Variants in PLG observed in about 807,000 individuals in gnomAD.
PLG encodes the protein plasmin.
PLG carries 41 observed loss-of-function variants against 104.4 expected under a neutral mutation model. That is an observed-to-expected ratio of 0.39 (90% confidence interval 0.31 to 0.51). The LOEUF is 0.51. Among genes scored for constraint, PLG ranks in the 20% least tolerant of loss-of-function variants. PLG has a pLI of 0.76. For missense variants in PLG, 891 were observed against 1,003.6 expected (o/e 0.89, Z 1.52); for synonymous variants, 337 against 357.1 (o/e 0.94, Z 0.63).
chr6:160,741,323 C>G lies in PLG; in HGVS notation c.2031C>G (p.Ile677Met), dbSNP rs773286811. ...ALLKLSSPAV[I>M]TDKVIPACLP... is the part of the protein sequence containing the mutation. ...GCTTTTCTTTCAGTCCTGCCGTCAT[C>G]ACTGACAAAGTAATCCCAGCTTGTC... The change falls in exon 17 of 19, where the codon ATC (isoleucine) becomes ATG (methionine). Residue 677 changes from isoleucine (I) to methionine (M), a missense_variant. This residue lies in a region of PLG where 854 missense variants were observed against 932.1 expected (regional missense o/e 0.92). Coordinates refer to ENST00000308192, the MANE Select transcript of PLG (RefSeq NM_000301.5). The surrounding 1 kb of genome is among the most constrained non-coding windows in gnomAD (Gnocchi z 4.7). 3.7e-6 allele frequency: 6 copies of G among 1,604,090 alleles called. No homozygotes were observed. In the Admixed American group the frequency reaches 1.0e-4, roughly 27 times the overall value.
intron 1 of PLG, 182 bp from the exon 2 acceptor site, chr6:160,706,225 C>T (rs1338424823): frequency 1.3e-6 from 1 of 761,010 alleles, no homozygotes; most frequent in Non-Finnish European, 2.2e-6. Flanking sequence ...TTATTTATGT[C>T]CAAATGCCCG....
In PLG at chr6:160,752,524, G is replaced by A. The variant is rs1194201775; in HGVS notation, c.2271+264G>A. 6.6e-6 allele frequency among the ~76,000 whole-genome samples: 1 copy of A among 152,190 alleles called. No homozygotes were observed. Among genetic ancestry groups the A allele is most frequent in the African/African-American group, 2.4e-5 (1 of 41,450 alleles). On this transcript the variant is annotated intron_variant, in intron 18 of 18. Coordinates refer to ENST00000308192, the MANE Select transcript of PLG (RefSeq NM_000301.5). The surrounding 1 kb of genome is among the most constrained non-coding windows in gnomAD (Gnocchi z 4.7). Reference sequence around the variant, plus strand: ...CAGGCCACTCACCCTCCTGGGGTGTGCTGGTGGCCAGGGACTAAAGTGGTG... The same window carrying A: ...CAGGCCACTCACCCTCCTGGGGTGTACTGGTGGCCAGGGACTAAAGTGGTG...
rs1777790612 is a variant in PLG, at chr6:160,719,034, G to A, written c.1096+196G>A. On this transcript the variant is annotated intron_variant, in intron 9 of 18. Transcript: ENST00000308192. This position sits in a 1 kb window ranked among gnomAD's most constrained non-coding sequence, Gnocchi z 4.1. ...TCAGAATATAGCCATCTTGGTGAAT[G>A]TTTCATGTGCTCTTGAAAAGAATGT... 6.6e-6 allele frequency among the ~76,000 whole-genome samples: 1 copy of A among 152,178 alleles called. No homozygotes were observed. Among genetic ancestry groups the A allele is most frequent in the African/African-American group, 2.4e-5 (1 of 41,454 alleles).
intron 1 of PLG, among the ~76,000 whole-genome samples, chr6:160,703,951 T>C (rs1296699081): frequency 6.6e-6 from 1 of 152,210 alleles, no homozygotes; most frequent in Middle Eastern, 3.2e-3. Flanking sequence ...AAAGTTTCTT[T>C]TACAGCCATG....
rs1562379540 is a variant in PLG at position 160,735,152 on chromosome 6, T to C, written c.1681+1064T>C. On this transcript the variant is annotated intron_variant, in intron 13 of 18. Coordinates refer to ENST00000308192, the MANE Select transcript of PLG (RefSeq NM_000301.5). This position sits in a 1 kb window ranked among gnomAD's most constrained non-coding sequence, Gnocchi z 5.4. ...GATTTAGCATGAGTTGATAGCTGAC[T>C]TTTTCTGCAGAAGCATCTTGGTGGC... Among the ~76,000 whole-genome samples the C allele has an allele frequency of 6.6e-6, 1 of 152,204 alleles. No homozygotes were observed. Among genetic ancestry groups the C allele is most frequent in the Non-Finnish European group, 1.5e-5 (1 of 68,026 alleles).
intron 17 of PLG, among the ~76,000 whole-genome samples, chr6:160,751,802 A>G (rs1052033773): frequency 5.3e-5 from 8 of 152,212 alleles, no homozygotes; most frequent in African/African-American, 1.4e-4. Context: ...AGTATATAAA[A>G]ATAGCAATTG....
rs1286098061 is a variant in PLG, at chr6:160,719,666, GGTTTTA to G, written c.1096+831_1096+836del. On this transcript the variant is annotated intron_variant, in intron 9 of 18. Transcript: ENST00000308192. This position sits in a 1 kb window ranked among gnomAD's most constrained non-coding sequence, Gnocchi z 4.1. ...CTCACTTAGTAAATTAATTTTTAAT[GGTTTTA>G]GTATTTTCCACAATGTTTATAATAT... 6.6e-6 allele frequency among the ~76,000 whole-genome samples: 1 copy of G among 151,866 alleles called. No homozygotes were observed.
Position 160,752,123 on chromosome 6 carries a change from G to A in PLG, c.2134G>A (p.Gly712Arg), listed in dbSNP as rs202074006. The part of the protein sequence containing the change: ...TGWGETQGTF[G>R]AGLLKEAQLP... ...CATCTTTTTAAACACAGGTACTTTTGGAGCTGGCCTTCTCAAGGAAGCCCA... is the reference window on the plus strand; with the variant it reads ...CATCTTTTTAAACACAGGTACTTTTAGAGCTGGCCTTCTCAAGGAAGCCCA... Residue 712 changes from glycine to arginine, a missense_variant, in exon 18 of 19, where the codon GGA (glycine) becomes AGA (arginine). Around this residue, in one of 2 missense-constraint regions of PLG, gnomAD observed 854 missense variants for 932.1 expected, o/e 0.92. Coordinates refer to ENST00000308192, the MANE Select transcript of PLG (RefSeq NM_000301.5). The surrounding 1 kb of genome is among the most constrained non-coding windows in gnomAD (Gnocchi z 4.7). 1.8e-4 allele frequency: 287 copies of A among 1,613,146 alleles called. No individual in the cohort carries two copies. The highest frequency in any genetic ancestry group is 9.9e-4 in the Middle Eastern group (6 of 6,082).
intron 17 of PLG, among the ~76,000 whole-genome samples, chr6:160,745,852 G>T (rs1376391601): frequency 6.6e-6 from 1 of 152,158 alleles, no homozygotes; most frequent in Non-Finnish European, 1.5e-5. Context: ...CTCAACATTT[G>T]CTTAGCTGAA....
intron 5 of PLG, 80 bp downstream of exon 5, chr6:160,713,205 G>C: frequency 1.9e-6 from 2 of 1,076,082 alleles, no homozygotes; most frequent in South Asian, 2.5e-5. Flanking sequence ...CTTCCCACAG[G>C]GATGTTATTA....
In PLG at chr6:160,731,129, G is replaced by C. The variant is rs371661937; in HGVS notation, c.1335G>C (p.Arg445Ser). The C allele has an allele frequency of 3.1e-6, 5 of 1,613,928 alleles. No individual in the cohort carries two copies. The highest frequency in any genetic ancestry group is 4.2e-6 in the Non-Finnish European group (5 of 1,179,936). ...PWCFTTDPSV[R>S]WEYCNLKKCS... Reference sequence around the variant, plus strand: ...GTTTTACCACAGACCCCAGCGTCAGGTGGGAGTACTGCAACCTGAAAAAAT... The same window carrying C: ...GTTTTACCACAGACCCCAGCGTCAGCTGGGAGTACTGCAACCTGAAAAAAT... Residue 445 changes from arginine (R) to serine (S), a missense_variant, in exon 11 of 19, where the codon AGG becomes AGC. This residue lies in a region of PLG where 854 missense variants were observed against 932.1 expected (regional missense o/e 0.92). Transcript: ENST00000308192. The surrounding 1 kb of genome is among the most constrained non-coding windows in gnomAD (Gnocchi z 5.1).
Position 160,737,853 on chromosome 6 carries a change from C to T in PLG, c.1803-685C>T, listed in dbSNP as rs1487559445. On this transcript the variant is annotated intron_variant, in intron 14 of 18. Transcript: ENST00000308192. The surrounding 1 kb of genome is among the most constrained non-coding windows in gnomAD (Gnocchi z 4.7). ...TTTAGTAACTCCTTGCTCTACAGAGCTTTCACCTTCCACATATTTCAGATT... is the reference window on the plus strand; with the variant it reads ...TTTAGTAACTCCTTGCTCTACAGAGTTTTCACCTTCCACATATTTCAGATT... Among the ~76,000 whole-genome samples the T allele has an allele frequency of 1.3e-5, 2 of 152,226 alleles. No individual in the cohort carries two copies. Among genetic ancestry groups the T allele is most frequent in the African/African-American group, 4.8e-5 (2 of 41,466 alleles).
At position 160,752,131 on chromosome 6, in the gene PLG, C is replaced by T; in HGVS notation, c.2142C>T (p.Gly714=). The T allele has an allele frequency of 6.2e-7, 1 of 1,612,108 alleles. No homozygotes were observed. Among genetic ancestry groups the T allele is most frequent in the Non-Finnish European group, 8.5e-7 (1 of 1,178,224 alleles). ...TAAACACAGGTACTTTTGGAGCTGG[C>T]CTTCTCAAGGAAGCCCAGCTCCCTG... ...WGETQGTFGA[G]LLKEAQLPVI... The change falls in exon 18 of 19, where the codon GGC becomes GGT. Residue 714 remains glycine (G), a synonymous_variant. Transcript: ENST00000308192. The surrounding 1 kb of genome is among the most constrained non-coding windows in gnomAD (Gnocchi z 4.7).
At chr6:160,722,755 C>T (rs1005349860) in intron 10 of PLG, among the ~76,000 whole-genome samples, 188 bp downstream of exon 10, 3 of 152,162 alleles carry the variant, frequency 2.0e-5, no homozygotes, top group Admixed American at 1.3e-4. Context: ...TTTAGGCTGG[C>T]TATTTTTCCT....
chr6:160,750,237 T>A (rs1778380417), intron 17 of PLG, among the ~76,000 whole-genome samples: 1 of 152,140 alleles, frequency 6.6e-6, no homozygotes, highest in Non-Finnish European at 1.5e-5. Context: ...TCATCTGCAA[T>A]CACTGAGCTG....
chr6:160,733,913 A>G (rs1778045342), intron 12 of PLG, 82 bp from the exon 13 acceptor site: 1 of 765,112 alleles, frequency 1.3e-6, no homozygotes, highest in East Asian at 2.5e-5. Flanking sequence ...CTAAGGATAG[A>G]CATGAAATGC....
intron 4 of PLG, chr6:160,711,843 G>A (rs1777649482): frequency 1.4e-6 from 2 of 1,418,602 alleles, no homozygotes; most frequent in African/African-American, 1.5e-5. Context: ...TGGAGCAAAA[G>A]AGTAAATAAG....
rs545761719 is a variant in PLG at position 160,731,260 on chromosome 6, A to G, written c.1438+28A>G. The G allele has an allele frequency of 8.9e-6, 14 of 1,577,804 alleles. No individual in the cohort carries two copies. Among genetic ancestry groups the G allele is most frequent in the African/African-American group, 1.3e-5 (1 of 74,138 alleles). ...AAGAAATCTGTGGCTGGACATCTAC[A>G]CACTTGGACGCTGGGATGAAAAGCC... On this transcript the variant is annotated intron_variant, in intron 11 of 18. Coordinates refer to ENST00000308192, the MANE Select transcript of PLG (RefSeq NM_000301.5). The surrounding 1 kb of genome is among the most constrained non-coding windows in gnomAD (Gnocchi z 5.1).
chr6:160,707,280 G>T (rs564252669), intron 2 of PLG, among the ~76,000 whole-genome samples: 1 of 152,260 alleles, frequency 6.6e-6, no homozygotes, highest in East Asian at 1.9e-4. Flanking sequence ...GATGGGAGGG[G>T]TCAGGGGCCA....
Sources: allele counts gnomAD v4.1 joint callset (sites outside exome capture counted in the v4.1 genomes callset), GRCh38; gene constraint gnomAD v4.1.1; regional missense constraint gnomAD v4.1.1; non-coding constraint Gnocchi (gnomAD v3.1); transcripts MANE v1.5; gene names NCBI Gene and HGNC (gene_info 2026-07-23, HGNC 2026-07-21).